COL24A1: variants seen among roughly 807,000 people sequenced by gnomAD.
COL24A1 encodes the protein collagen alpha-1(XXIV) chain.
A neutral mutation model predicts 253.9 loss-of-function variants in COL24A1; 224 were observed. The observed-to-expected ratio is 0.88, with a 90% CI of 0.79 to 0.99. The LOEUF (loss-of-function observed/expected upper bound fraction) is 0.99, where lower values mean the gene tolerates loss of function less well. Ranked by LOEUF, COL24A1 falls within the 50% of genes least tolerant of loss-of-function variation. The pLI, the probability that COL24A1 is intolerant of heterozygous loss-of-function variation, is 0.00. For missense variants in COL24A1, 2,131 were observed against 2,068.5 expected (o/e 1.03, Z -0.59); for synonymous variants, 685 against 673.7 (o/e 1.02, Z -0.26).
At chr1:85,905,499 A>G (rs1404916948) in intron 28 of COL24A1, among the ~76,000 whole-genome samples, 1 of 151,980 alleles carries the variant, frequency 6.6e-6, no homozygotes, top group Non-Finnish European at 1.5e-5. Flanking sequence ...GTTTACCTAA[A>G]ATAGTAGTTC....
At chr1:86,127,685 A>C (rs200894557) in intron 2 of COL24A1, among the ~76,000 whole-genome samples, 4 of 21,960 alleles carry the variant, frequency 1.8e-4, no homozygotes, top group African/African-American at 8.7e-4. Flanking sequence ...GAAAAAAATA[A>C]AAGTCTTTGA....
intron 2 of COL24A1, among the ~76,000 whole-genome samples, chr1:86,132,097 G>C (rs1255936682): frequency 1.3e-5 from 2 of 152,124 alleles, no homozygotes; most frequent in Non-Finnish European, 2.9e-5. Flanking sequence ...ATTTTGATTT[G>C]CATTTCTCTG....
At position 85,842,300 on chromosome 1, in the gene COL24A1, G is replaced by A. The variant is rs369331482; in HGVS notation, c.3516+40C>T. 166 of 1,438,220 alleles carry A rather than the reference G, an allele frequency of 1.2e-4. 1 individual carries two copies. The highest frequency in any genetic ancestry group is 1.1e-4 in the Non-Finnish European group (119 of 1,041,276). 89.1% of individuals were successfully genotyped at this position (1,438,220 alleles called of 1,614,324 possible). ...TTGGGATATCATCTTTAATAAAAAT[G>A]TTTTCATGTGAATATATTTTTTCAA... On this transcript the variant is annotated intron_variant, in intron 40 of 59. Coordinates refer to ENST00000370571, the MANE Select transcript of COL24A1 (RefSeq NM_152890.7).
intron 19 of COL24A1, among the ~76,000 whole-genome samples, chr1:86,010,507 T>C (rs762515932): frequency 6.6e-6 from 1 of 152,136 alleles, no homozygotes; most frequent in African/African-American, 2.4e-5. Flanking sequence ...ATTAGAGAAA[T>C]GTTGATTGGA....
intron 45 of COL24A1, among the ~76,000 whole-genome samples, chr1:85,821,255 C>T (rs1459909077): frequency 6.6e-6 from 1 of 152,042 alleles, no homozygotes; most frequent in Non-Finnish European, 1.5e-5. Flanking sequence ...CAGTCTTATG[C>T]CCAATGAATG....
At chr1:85,988,651 C>T (rs547922082) in intron 19 of COL24A1, among the ~76,000 whole-genome samples, 83 of 152,058 alleles carry the variant, frequency 5.5e-4, no homozygotes, top group African/African-American at 1.5e-3. Flanking sequence ...GAAATTAAAA[C>T]GTGAACATCC....
In COL24A1 at chr1:86,126,039, T is replaced by A; in HGVS notation, c.297A>T (p.Pro99=). The A allele has an allele frequency of 1.2e-6, 2 of 1,613,674 alleles. No homozygotes were observed. The highest frequency in any genetic ancestry group is 1.7e-6 in the Non-Finnish European group (2 of 1,179,796). ...YIETPFVKIL[P]VNLGQPFTIL... Reference sequence around the variant, plus strand: ...TTGTAAACGGCTGCCCCAAGTTGACTGGTAAAATTTTCACGAAAGGTGTCT... The same window carrying A: ...TTGTAAACGGCTGCCCCAAGTTGACAGGTAAAATTTTCACGAAAGGTGTCT... Residue 99 remains proline (P), a synonymous_variant, in exon 3 of 60, where the codon CCA becomes CCT. Coordinates refer to ENST00000370571, the MANE Select transcript of COL24A1 (RefSeq NM_152890.7).
intron 47 of COL24A1, among the ~76,000 whole-genome samples, chr1:85,795,700 T>C (rs1232753657): frequency 1.3e-5 from 2 of 152,132 alleles, no homozygotes; most frequent in Non-Finnish European, 2.9e-5. Context: ...ATTATGTTTA[T>C]ATAGTTATTA....
At chr1:86,108,499 C>A (rs940180640) in intron 5 of COL24A1, among the ~76,000 whole-genome samples, 1 of 151,546 alleles carries the variant, frequency 6.6e-6, no homozygotes, top group Non-Finnish European at 1.5e-5. Flanking sequence ...AAAGGACTCT[C>A]GGGCTGGTCG....
chr1:86,076,270 T>C (rs141037075), intron 7 of COL24A1, among the ~76,000 whole-genome samples: 14,557 of 152,186 alleles, frequency 0.096, 914 homozygotes, highest in Non-Finnish European at 0.14. Context: ...AGCCAAATCA[T>C]GAGTGAACTC....
At chr1:85,897,992 G>A (rs1683914969) in intron 28 of COL24A1, among the ~76,000 whole-genome samples, 1 of 152,042 alleles carries the variant, frequency 6.6e-6, no homozygotes, top group Admixed American at 6.6e-5. Context: ...CTACAATGAG[G>A]GATAGTATGT....
chr1:86,062,932 T>G (rs576660573), intron 8 of COL24A1, among the ~76,000 whole-genome samples: 1 of 152,232 alleles, frequency 6.6e-6, no homozygotes, highest in South Asian at 2.1e-4. Context: ...ACCATCACAT[T>G]TCTTCCTGGA....
chr1:86,116,989 G>C (rs1478696518), intron 3 of COL24A1, among the ~76,000 whole-genome samples: 1 of 152,058 alleles, frequency 6.6e-6, no homozygotes, highest in African/African-American at 2.4e-5. Context: ...TTCTGGTCCT[G>C]TTGTTATAAT....
chr1:85,798,230 T>C (rs1282770025), intron 47 of COL24A1, among the ~76,000 whole-genome samples: 1 of 151,642 alleles, frequency 6.6e-6, no homozygotes, highest in Admixed American at 6.6e-5. Context: ...GAACTTTATC[T>C]GATCAGGAGT....
At chr1:85,798,880 C>T (rs898679325) in intron 47 of COL24A1, among the ~76,000 whole-genome samples, 6 of 151,794 alleles carry the variant, frequency 4.0e-5, no homozygotes, top group Non-Finnish European at 1.5e-5. Context: ...TTAGTTACAG[C>T]AATAAAAAAA....
intron 7 of COL24A1, among the ~76,000 whole-genome samples, chr1:86,070,388 A>G (rs1212068151): frequency 1.3e-5 from 2 of 152,214 alleles, no homozygotes; most frequent in African/African-American, 4.8e-5. Flanking sequence ...AAGAGGAAGT[A>G]GAGAAAGAGA....
intron 10 of COL24A1, among the ~76,000 whole-genome samples, chr1:86,051,585 G>A (rs1452794447): frequency 5.3e-5 from 8 of 152,150 alleles, no homozygotes; most frequent in Middle Eastern, 3.4e-3. Context: ...TGGAAAGGGT[G>A]GCAAGGGGTC....
chr1:85,838,719 T>A, intron 42 of COL24A1, 81 bp from the exon 43 acceptor site: 1 of 1,300,838 alleles, frequency 7.7e-7, no homozygotes, highest in African/African-American at 1.5e-5. Context: ...ATTAGTGTTG[T>A]TTATTCTTTT....
In COL24A1 at chr1:85,730,602, G is replaced by T; in HGVS notation, c.5089C>A (p.His1697Asn). The T allele has an allele frequency of 1.2e-6, 2 of 1,613,978 alleles. No individual in the cohort carries two copies. The highest frequency in any genetic ancestry group is 1.7e-6 in the Non-Finnish European group (2 of 1,179,906). The change falls in exon 60 of 60, where the codon CAT becomes AAT. Residue 1697 changes from histidine to asparagine, a missense_variant. By Grantham distance (68) the His-to-Asn change is moderately conservative. Coordinates refer to ENST00000370571, the MANE Select transcript of COL24A1 (RefSeq NM_152890.7). ...TAATACTTTCGTTCAGTTTTGAGAT[G>T]AGGAAGTTTTTGTACTTCAATCACT... ...LPVIEVQKLP[H>N]LKTERKYYID... is the part of the protein sequence containing the mutation.
Sources: allele counts gnomAD v4.1 joint callset (sites outside exome capture counted in the v4.1 genomes callset), GRCh38; gene constraint gnomAD v4.1.1; transcripts MANE v1.5; gene names NCBI Gene and HGNC (gene_info 2026-07-23, HGNC 2026-07-21).